The following SLC7A6OS variants were observed in gnomAD, a reference collection of about 807,000 sequenced individuals.
SLC7A6OS encodes the protein solute carrier family 7 member 6 opposite strand.
SLC7A6OS carries 22 observed loss-of-function variants against 34.3 expected under a neutral mutation model. The observed-to-expected ratio is 0.64, with a 90% CI of 0.46 to 0.92. The LOEUF (loss-of-function observed/expected upper bound fraction) is 0.92. Among genes scored for constraint, SLC7A6OS ranks in the 40% least tolerant of loss-of-function variants. The pLI is 0.00. For synonymous variants in SLC7A6OS, 199 were observed against 165.0 expected, an observed-to-expected ratio of 1.21 and a Z score of -1.58; for missense variants, 434 against 407.7, an observed-to-expected ratio of 1.06 and a Z score of -0.56.
chr16:68,302,434 C>T lies in SLC7A6OS; in HGVS notation c.746G>A (p.Trp249Ter), dbSNP rs2043290812. 6.2e-7 allele frequency: 1 copy of T among 1,614,042 alleles called. No homozygotes were observed. The highest frequency in any genetic ancestry group is 8.5e-7 in the Non-Finnish European group (1 of 1,180,016). Residue 249 changes from tryptophan (W) to a stop codon, truncating the protein, a stop_gained, in exon 4 of 5, where the codon TGG becomes TAG. Coordinates refer to ENST00000263997, the MANE Select transcript of SLC7A6OS (RefSeq NM_032178.3). LOFTEE classifies it high-confidence loss of function. The part of the protein sequence containing the change: ...DEDDENSENN[W>*]RNEYPEEESS... ...CTCCTCCTCTGGGTACTCATTGCGC[C>T]AGTTATTCTCACTGTTCTCGTCATC...
rs2043308683 is a variant in SLC7A6OS, at chr16:68,304,117, T to C, written c.587A>G (p.Tyr196Cys). 2.5e-6 allele frequency: 4 copies of C among 1,614,064 alleles called. No individual in the cohort carries two copies. Among genetic ancestry groups the C allele is most frequent in the East Asian group, 2.2e-5 (1 of 44,888 alleles). Residue 196 changes from tyrosine (Y) to cysteine (C), a missense_variant, in exon 3 of 5, where the codon TAT (tyrosine) becomes TGT (cysteine). By Grantham distance (194) the Tyr-to-Cys change is radical. Coordinates refer to ENST00000263997, the MANE Select transcript of SLC7A6OS (RefSeq NM_032178.3). ...CTCCAAGTAGTAAATGTCATACACATAGTCATCGTGTTTTTGTTCTTCCTG... is the reference window on the plus strand; with the variant it reads ...CTCCAAGTAGTAAATGTCATACACACAGTCATCGTGTTTTTGTTCTTCCTG... ...RRQEEQKHDD[Y>C]VYDIYYLETA...
intron 2 of SLC7A6OS, among the ~76,000 whole-genome samples, chr16:68,306,587 C>T (rs767293602): frequency 3.0e-4 from 46 of 152,130 alleles, no homozygotes; most frequent in Admixed American, 5.2e-4. Context: ...CTTAGATGAT[C>T]TTTCTGTTTC....
At chr16:68,304,855 AGCCTGGCCCACATG>A (rs1426613857) in intron 2 of SLC7A6OS, among the ~76,000 whole-genome samples, 1 of 152,186 alleles carries the variant, frequency 6.6e-6, no homozygotes, top group Non-Finnish European at 1.5e-5. Context: ...GCTCAAGACC[AGCCTGGCCCACATG>A]GCAAAACCCC....
rs866112460 is a variant in SLC7A6OS, at chr16:68,310,916, G to A, written c.11C>T (p.Ala4Val). ...CTTCACCCGGAGTACAGCGGTCCTG[G>A]CGGCCTCCATAGTGGCTGCCGCTGA... is the stretch of plus-strand genomic sequence containing the variant. MEA[A>V]RTAVLRVKRK... The change falls in exon 1 of 5, where the codon GCC becomes GTC. Residue 4 changes from alanine to valine, a missense_variant. Physicochemically the swap from Ala to Val is moderately conservative, Grantham distance 64. Coordinates refer to ENST00000263997, the MANE Select transcript of SLC7A6OS (RefSeq NM_032178.3). 4.4e-6 allele frequency: 7 copies of A among 1,585,204 alleles called. No individual in the cohort carries two copies. The highest frequency in any genetic ancestry group is 2.2e-5 in the South Asian group (2 of 88,960).
At chr16:68,308,769 T>C (rs1255584345) in intron 2 of SLC7A6OS, among the ~76,000 whole-genome samples, 4 of 151,438 alleles carry the variant, frequency 2.6e-5, no homozygotes, top group Non-Finnish European at 5.9e-5. Context: ...AGAGGGCATA[T>C]TGGCTAGGCG....
intron 3 of SLC7A6OS, among the ~76,000 whole-genome samples, chr16:68,302,753 G>A (rs950289053): frequency 6.6e-6 from 1 of 152,214 alleles, no homozygotes; most frequent in South Asian, 2.1e-4. Context: ...GAAAAGAGGA[G>A]TGATGGCTCT....
At chr16:68,309,798 G>T in intron 2 of SLC7A6OS, among the ~76,000 whole-genome samples, 1 of 152,160 alleles carries the variant, frequency 6.6e-6, no homozygotes. Flanking sequence ...CAATGTCCTT[G>T]CAAGTACCTA....
chr16:68,304,029 C>A lies in SLC7A6OS; in HGVS notation c.675G>T (p.Glu225Asp), dbSNP rs779491490. 3.1e-6 allele frequency: 5 copies of A among 1,613,024 alleles called. No individual in the cohort carries two copies. In the East Asian group the frequency reaches 1.1e-4, roughly 36 times the overall value. Reference sequence around the variant, plus strand: ...GTCTGCTCATGGGCCCCCTTACCAGCTCCCATTCTTGGCTGTAGGGCTGCA... The same window carrying A: ...GTCTGCTCATGGGCCCCCTTACCAGATCCCATTCTTGGCTGTAGGGCTGCA... ...LSVQPYSQEW[E>D]LVNDDQEPED... The change falls in exon 3 of 5, where the codon GAG (glutamate) becomes GAT (aspartate). Residue 225 changes from glutamate (E) to aspartate (D), a missense_variant. By Grantham distance (45) the Glu-to-Asp change is conservative. Transcript: ENST00000263997.
intron 2 of SLC7A6OS, among the ~76,000 whole-genome samples, chr16:68,308,370 G>A (rs2043341463): frequency 6.6e-6 from 1 of 151,782 alleles, no homozygotes; most frequent in Non-Finnish European, 1.5e-5. Flanking sequence ...GCTCACGCCT[G>A]TAATCCCAGC....
chr16:68,309,051 CAAAAAAAA>C (rs57351239), intron 2 of SLC7A6OS, among the ~76,000 whole-genome samples: 1 of 68,472 alleles, frequency 1.5e-5, no homozygotes, highest in Admixed American at 1.7e-4. Flanking sequence ...GACTCTGACT[CAAAAAAAA>C]AAAAAAAAAG....
At chr16:68,305,614 C>T (rs1404681623) in intron 2 of SLC7A6OS, among the ~76,000 whole-genome samples, 1 of 152,208 alleles carries the variant, frequency 6.6e-6, no homozygotes, top group Non-Finnish European at 1.5e-5. Flanking sequence ...CTATAATTTA[C>T]AGACTAAGGA....
chr16:68,310,836 G>A lies in SLC7A6OS; in HGVS notation c.91C>T (p.Arg31Trp), dbSNP rs535783486. 3.7e-6 allele frequency: 6 copies of A among 1,613,568 alleles called. No individual in the cohort carries two copies. Among genetic ancestry groups the A allele is most frequent in the Admixed American group, 1.7e-5 (1 of 60,020 alleles). ...EALVLACKRL[R>W]SDAVESAAQK... ...GCCGCTGACTCGACCGCGTCGCTCC[G>A]GAGGCGTTTACAAGCGAGCACAAGA... The change falls in exon 1 of 5, where the codon CGG (arginine) becomes TGG (tryptophan). Residue 31 changes from arginine (R) to tryptophan (W), a missense_variant. By Grantham distance (101) the Arg-to-Trp change is moderately radical. Coordinates refer to ENST00000263997, the MANE Select transcript of SLC7A6OS (RefSeq NM_032178.3).
chr16:68,302,446 CT>C lies in SLC7A6OS; in HGVS notation c.733del (p.Ser245ValfsTer30). 1.2e-6 allele frequency: 2 copies of C among 1,614,206 alleles called. No individual in the cohort carries two copies. Among genetic ancestry groups the C allele is most frequent in the Non-Finnish European group, 1.7e-6 (2 of 1,180,012 alleles). On this transcript the variant is annotated frameshift_variant, in exon 4 of 5. Transcript: ENST00000263997. LOFTEE classifies it high-confidence loss of function. Reference sequence around the variant, plus strand: ...GTACTCATTGCGCCAGTTATTCTCACTGTTCTCGTCATCTTCATCGTCGTAA... The same window carrying C: ...GTACTCATTGCGCCAGTTATTCTCACGTTCTCGTCATCTTCATCGTCGTAA... ...DIYDDEDDEN[S>X]ENNWRNEYPE...
Position 68,300,568 on chromosome 16 carries a change from C to T in SLC7A6OS, c.*707G>A, listed in dbSNP as rs961074525. On this transcript the variant is annotated 3_prime_UTR_variant, in exon 5 of 5. Transcript: ENST00000263997. The stretch of plus-strand genomic sequence containing the variant: ...TGAACCTTCTATTTCACTACCGCTC[C>T]CTGTTTTAGATATTCAGATTTAAAA... 1.0e-5 allele frequency: 10 copies of T among 958,004 alleles called. No individual in the cohort carries two copies. In the African/African-American group the frequency reaches 1.4e-4, roughly 14 times the overall value. 59.3% of individuals were successfully genotyped at this position (958,004 alleles called of 1,614,324 possible). A position where few individuals can be genotyped will look rare whatever the true frequency, so the allele number is the denominator to read the frequency against.
chr16:68,299,018 A>T lies in SLC7A6OS; in HGVS notation c.*2257T>A, dbSNP rs534521946. ...TAAAGATTGAAGGAAGCATGGTCATAGTTGCCCTGGGTTCAGAGCATAATG... is the reference window on the plus strand; with the variant it reads ...TAAAGATTGAAGGAAGCATGGTCATTGTTGCCCTGGGTTCAGAGCATAATG... On this transcript the variant is annotated 3_prime_UTR_variant, in exon 5 of 5. Coordinates refer to ENST00000263997, the MANE Select transcript of SLC7A6OS (RefSeq NM_032178.3). The T allele has an allele frequency of 1.3e-5, 2 of 152,768 alleles. No homozygotes were observed. The highest frequency in any genetic ancestry group is 3.9e-4 in the East Asian group (2 of 5,190). 9.5% of individuals were successfully genotyped at this position (152,768 alleles called of 1,614,324 possible).
rs992801503 is a variant in SLC7A6OS at position 68,301,314 on chromosome 16, C to T, written c.891G>A (p.Glu297=). ...GGTCGTGGGGGCTGTCATAGCCGAA[C>T]TCCTTCTGCACATCCAGAGGGTACT... ...WSKYPLDVQK[E]FGYDSPHDLD... Residue 297 remains glutamate (E), a synonymous_variant, in exon 5 of 5, where the codon GAG becomes GAA. Transcript: ENST00000263997. The T allele has an allele frequency of 6.2e-7, 1 of 1,614,132 alleles. No individual in the cohort carries two copies. Among genetic ancestry groups the T allele is most frequent in the African/African-American group, 1.3e-5 (1 of 75,038 alleles).
In SLC7A6OS at chr16:68,310,799, G is replaced by C; in HGVS notation, c.128C>G (p.Ser43Trp). The change falls in exon 1 of 5, where the codon TCG (serine) becomes TGG (tryptophan). Residue 43 changes from serine (S) to tryptophan (W), a missense_variant. Coordinates refer to ENST00000263997, the MANE Select transcript of SLC7A6OS (RefSeq NM_032178.3). The part of the protein sequence containing the change: ...DAVESAAQKT[S>W]EGLERAAENN... Reference sequence around the variant, plus strand: ...CTCCGCCGCTCTCTCCAAACCCTCCGACGTCTTCTGTGCCGCTGACTCGAC... The same window carrying C: ...CTCCGCCGCTCTCTCCAAACCCTCCCACGTCTTCTGTGCCGCTGACTCGAC... 1 of 1,613,812 alleles carries C rather than the reference G, an allele frequency of 6.2e-7. No homozygotes were observed. The highest frequency in any genetic ancestry group is 8.5e-7 in the Non-Finnish European group (1 of 1,179,934).
Position 68,301,010 on chromosome 16 carries a change from AC to A in SLC7A6OS, c.*264del, listed in dbSNP as rs1159698149. 23 of 1,113,504 alleles carry A rather than the reference AC, an allele frequency of 2.1e-5. No individual in the cohort carries two copies. The highest frequency in any genetic ancestry group is 5.2e-5 in the East Asian group (1 of 19,288). The allele number at this position is 1,113,504 out of a possible 1,614,324, so 69.0% of individuals were successfully genotyped here. ...GGGCCAAGAAGCTAAAGCTAAAGAA[AC>A]CTTCCTTTTTTCAACGTTTTTTTTT... On this transcript the variant is annotated 3_prime_UTR_variant, in exon 5 of 5. Transcript: ENST00000263997.
chr16:68,300,930 AC>A lies in SLC7A6OS; in HGVS notation c.*344del, dbSNP rs1468866060. On this transcript the variant is annotated 3_prime_UTR_variant, in exon 5 of 5. Coordinates refer to ENST00000263997, the MANE Select transcript of SLC7A6OS (RefSeq NM_032178.3). ...GAAGCTTACTGCTAATGAAATGGGA[AC>A]CTCCCCCTCCCTTGTGGTTTCAGCA... is the stretch of plus-strand genomic sequence containing the variant. The A allele has an allele frequency of 2.0e-6, 2 of 999,968 alleles. No individual in the cohort carries two copies. The highest frequency in any genetic ancestry group is 3.5e-5 in the African/African-American group (2 of 57,722). The allele number at this position is 999,968 out of a possible 1,614,324, so 61.9% of individuals were successfully genotyped here. A position where few individuals can be genotyped will look rare whatever the true frequency, so the allele number is the denominator to read the frequency against.
Sources: allele counts gnomAD v4.1 joint callset (sites outside exome capture counted in the v4.1 genomes callset), GRCh38; gene constraint gnomAD v4.1.1; transcripts MANE v1.5; gene names NCBI Gene and HGNC (gene_info 2026-07-23, HGNC 2026-07-21).